SDK1: variants seen among roughly 807,000 people sequenced by gnomAD.
SDK1 encodes the protein sidekick cell adhesion molecule 1.
SDK1 carries 157 observed loss-of-function variants against 245.5 expected under a neutral mutation model. That is an observed-to-expected ratio of 0.64 (90% CI 0.56 to 0.73). The LOEUF is 0.73. Ranked by LOEUF, SDK1 falls within the 30% of genes least tolerant of loss-of-function variation. The probability of loss-of-function intolerance (pLI) is 0.00; values close to 1 mark genes in which losing one functional copy is unlikely to be tolerated. For synonymous variants in SDK1, 1,647 were observed against 1,278.5 expected (o/e 1.29, Z -6.15); for missense variants, 3,583 against 3,002.3 (o/e 1.19, Z -4.52).
intron 41 of SDK1, among the ~76,000 whole-genome samples, chr7:4,235,175 T>C (rs1319423259): frequency 1.3e-5 from 2 of 151,854 alleles, no homozygotes; most frequent in African/African-American, 2.4e-5. Flanking sequence ...CCTGATTTTA[T>C]TTTTTTTGAG....
At chr7:3,696,713 T>C (rs1036307628) in intron 4 of SDK1, among the ~76,000 whole-genome samples, 1 of 152,088 alleles carries the variant, frequency 6.6e-6, no homozygotes, top group Admixed American at 6.6e-5. Flanking sequence ...TTAACAAAAG[T>C]AATCAAAGGA....
chr7:3,951,868 G>C lies in SDK1; in HGVS notation c.1098G>C (p.Leu366=), dbSNP rs976044727. Residue 366 remains leucine (L), a synonymous_variant, in exon 7 of 45, where the codon CTG becomes CTC. Transcript: ENST00000404826. ...DTGPYVCEAA[L]PGSAFEPARA... is the part of the protein sequence containing the mutation. ...GGCCATACGTCTGCGAGGCGGCGCT[G>C]CCGGGGAGCGCTTTTGAACCGGCCA... The C allele has an allele frequency of 1.9e-6, 3 of 1,613,676 alleles. No individual in the cohort carries two copies. The highest frequency in any genetic ancestry group is 1.3e-5 in the African/African-American group (1 of 75,044).
At chr7:3,696,855 G>T (rs1784586811) in intron 4 of SDK1, among the ~76,000 whole-genome samples, 1 of 151,786 alleles carries the variant, frequency 6.6e-6, no homozygotes, top group African/African-American at 2.4e-5. Flanking sequence ...TTATAATACT[G>T]TAGGGTGTCT....
At chr7:3,401,884 A>G (rs1429362041) in intron 1 of SDK1, among the ~76,000 whole-genome samples, 1 of 152,134 alleles carries the variant, frequency 6.6e-6, no homozygotes, top group Non-Finnish European at 1.5e-5. Context: ...AACTATCTGG[A>G]TTTGAAGACC....
At position 3,909,531 on chromosome 7, in the gene SDK1, A is replaced by G. The variant is rs1053237498; in HGVS notation, c.848-41392A>G. Reference sequence around the variant, plus strand: ...TTCTGCTGATCCCTACCTCTCCCAAAGACAGTAAGCTCGGGAAAAGGGGAC... The same window carrying G: ...TTCTGCTGATCCCTACCTCTCCCAAGGACAGTAAGCTCGGGAAAAGGGGAC... On this transcript the variant is annotated intron_variant, in intron 5 of 44. Transcript: ENST00000404826. 2.6e-5 allele frequency among the ~76,000 whole-genome samples: 4 copies of G among 152,106 alleles called. 1 individual carries two copies. The highest frequency in any genetic ancestry group is 9.7e-5 in the African/African-American group (4 of 41,410).
intron 22 of SDK1, among the ~76,000 whole-genome samples, chr7:4,107,283 C>T (rs910701739): frequency 6.6e-6 from 1 of 152,092 alleles, no homozygotes; most frequent in African/African-American, 2.4e-5. Flanking sequence ...CTGTTTCCCC[C>T]TCACACATGC....
At chr7:3,687,561 G>A (rs1166832799) in intron 4 of SDK1, among the ~76,000 whole-genome samples, 1 of 152,196 alleles carries the variant, frequency 6.6e-6, no homozygotes, top group East Asian at 1.9e-4. Context: ...AACTGTCGAT[G>A]CACACGGCAA....
intron 4 of SDK1, among the ~76,000 whole-genome samples, chr7:3,673,721 C>T (rs1480093942): frequency 6.6e-6 from 1 of 152,164 alleles, no homozygotes; most frequent in East Asian, 1.9e-4. Flanking sequence ...AACTGCGCCC[C>T]CTGCTGCCTT....
intron 5 of SDK1, among the ~76,000 whole-genome samples, chr7:3,833,499 A>G (rs928065455): frequency 4.6e-5 from 7 of 152,200 alleles, no homozygotes; most frequent in African/African-American, 1.7e-4. Context: ...TAATCCTTAA[A>G]ACATTGGGAT....
At chr7:4,115,121 G>T (rs1783618427) in intron 25 of SDK1, among the ~76,000 whole-genome samples, 1 of 152,186 alleles carries the variant, frequency 6.6e-6, no homozygotes, top group South Asian at 2.1e-4. Flanking sequence ...CCCAAAGGAA[G>T]GACGGCAATT....
intron 1 of SDK1, among the ~76,000 whole-genome samples, chr7:3,401,505 T>C (rs1778886299): frequency 6.6e-6 from 1 of 152,134 alleles, no homozygotes; most frequent in South Asian, 2.1e-4. Context: ...CCATAGGACT[T>C]CATAATTTTA....
intron 22 of SDK1, among the ~76,000 whole-genome samples, chr7:4,092,846 G>A (rs929002605): frequency 2.6e-5 from 4 of 152,170 alleles, no homozygotes; most frequent in African/African-American, 4.8e-5. Context: ...GAGCCCAGGC[G>A]GAGAGCAGCA....
chr7:4,079,225 C>T (rs911198019), intron 21 of SDK1, among the ~76,000 whole-genome samples: 1 of 152,176 alleles, frequency 6.6e-6, no homozygotes, highest in African/African-American at 2.4e-5. Flanking sequence ...TCAGGGAGGC[C>T]ATGTTAGCGA....
At chr7:3,458,355 A>T (rs1306305784) in intron 1 of SDK1, among the ~76,000 whole-genome samples, 1 of 152,104 alleles carries the variant, frequency 6.6e-6, no homozygotes, top group Non-Finnish European at 1.5e-5. Context: ...GTCTATCCTA[A>T]GTGCCTAGAG....
At chr7:3,511,868 C>T (rs774224249) in intron 1 of SDK1, among the ~76,000 whole-genome samples, 1 of 148,310 alleles carries the variant, frequency 6.7e-6, no homozygotes, top group Non-Finnish European at 1.5e-5. Context: ...ACTGATATCT[C>T]GTATGTCTCC....
chr7:4,184,126 G>A (rs1464203995), intron 35 of SDK1, among the ~76,000 whole-genome samples: 6 of 152,200 alleles, frequency 3.9e-5, no homozygotes, highest in East Asian at 1.9e-4. Flanking sequence ...CACTGCTAAC[G>A]TATTGACTTA....
intron 17 of SDK1, among the ~76,000 whole-genome samples, chr7:4,035,122 G>A: frequency 6.6e-6 from 1 of 151,952 alleles, no homozygotes; most frequent in East Asian, 1.9e-4. Context: ...GGGATTACAA[G>A]CACGTACCAC....
intron 41 of SDK1, among the ~76,000 whole-genome samples, chr7:4,236,851 G>A (rs1454316484): frequency 6.6e-6 from 1 of 152,092 alleles, no homozygotes; most frequent in African/African-American, 2.4e-5. Context: ...GAGAGAGAAG[G>A]ACGTCTAGGC....
At chr7:3,615,490 C>G (rs567313735) in intron 1 of SDK1, among the ~76,000 whole-genome samples, 1 of 151,828 alleles carries the variant, frequency 6.6e-6, no homozygotes, top group East Asian at 1.9e-4. Flanking sequence ...CATGTGCTGT[C>G]ACAGCATCTA....
Sources: allele counts gnomAD v4.1 joint callset (sites outside exome capture counted in the v4.1 genomes callset), GRCh38; gene constraint gnomAD v4.1.1; transcripts MANE v1.5; gene names NCBI Gene and HGNC (gene_info 2026-07-23, HGNC 2026-07-21).